The following UNC13C variants were observed in gnomAD, a reference collection of about 807,000 sequenced individuals.
The protein encoded by UNC13C is unc-13 homolog C.
UNC13C carries 174 observed loss-of-function variants against 245.4 expected under a neutral mutation model. The observed-to-expected ratio is 0.71, with a 90% CI of 0.63 to 0.80. The LOEUF (loss-of-function observed/expected upper bound fraction) is 0.80, where lower values mean the gene tolerates loss of function less well. Among genes scored for constraint, UNC13C ranks in the 30% least tolerant of loss-of-function variants. The pLI is 0.00. For missense variants in UNC13C, 2,829 were observed against 2,602.9 expected (o/e 1.09, Z -1.89); for synonymous variants, 992 against 895.1 (o/e 1.11, Z -1.93).
chr15:54,355,397 C>T (rs1189674645), intron 17 of UNC13C, among the ~76,000 whole-genome samples: 2 of 151,896 alleles, frequency 1.3e-5, no homozygotes, highest in African/African-American at 4.8e-5. Flanking sequence ...CACTTTATCA[C>T]CCAGGGTGGA....
chr15:53,946,170 C>T, the UNC13C span, among the ~76,000 whole-genome samples: 5 of 152,184 alleles, frequency 3.3e-5, no homozygotes, highest in South Asian at 2.1e-4. Flanking sequence ...TATAGAATCA[C>T]GTCTACAAAC....
intron 17 of UNC13C, among the ~76,000 whole-genome samples, chr15:54,359,723 C>T (rs73417711): frequency 2.0e-5 from 3 of 151,706 alleles, no homozygotes; most frequent in Non-Finnish European, 4.4e-5. Flanking sequence ...TCTAATTATG[C>T]TTATTTGAGT....
chr15:53,986,413 T>C lies in UNC13C; in HGVS notation c.-257+7486T>C, dbSNP rs148210625. ...GACACTATAAGCCTGGATGAATTTCTCTTATAGTTGATTCCACTTCTCTGT... is the reference window on the plus strand; with the variant it reads ...GACACTATAAGCCTGGATGAATTTCCCTTATAGTTGATTCCACTTCTCTGT... On this transcript the variant is annotated intron_variant, in intron 1 of 32. Coordinates refer to ENST00000260323, the MANE Select transcript of UNC13C (RefSeq NM_001080534.3). Among the ~76,000 whole-genome samples, 478 of 152,204 alleles carry C rather than the reference T, an allele frequency of 3.1e-3. 1 individual carries two copies. The highest frequency in any genetic ancestry group is 0.027 in the South Asian group (131 of 4,826).
chr15:54,204,427 A>G (rs1310041291), intron 4 of UNC13C, among the ~76,000 whole-genome samples: 1 of 151,888 alleles, frequency 6.6e-6, no homozygotes, highest in Non-Finnish European at 1.5e-5. Flanking sequence ...TGTAGGCATA[A>G]ACTAGATTGT....
At chr15:54,580,830 C>A (rs1416844460) in intron 30 of UNC13C, among the ~76,000 whole-genome samples, 1 of 152,194 alleles carries the variant, frequency 6.6e-6, no homozygotes, top group Non-Finnish European at 1.5e-5. Flanking sequence ...GTGAGCTGTA[C>A]CTCCACATTC....
intron 2 of UNC13C, among the ~76,000 whole-genome samples, chr15:54,057,066 A>G (rs1257114546): frequency 3.3e-5 from 5 of 152,144 alleles, no homozygotes; most frequent in African/African-American, 4.8e-5. Flanking sequence ...TGAGCAAAAT[A>G]ACCAGCTAAC....
At chr15:54,625,097 A>G (rs1466675947) in intron 32 of UNC13C, among the ~76,000 whole-genome samples, 1 of 152,140 alleles carries the variant, frequency 6.6e-6, no homozygotes, top group African/African-American at 2.4e-5. Flanking sequence ...TGAAATGTAT[A>G]CTTGAATGTA....
Position 54,253,595 on chromosome 15 carries a change from C to T in UNC13C, c.3448+3151C>T, listed in dbSNP as rs183267230. ...GTCGCCTAAAAAGACATTTAGAATT[C>T]TTTTTTGGAAAAAGCATTTGGTGGT... On this transcript the variant is annotated intron_variant, in intron 8 of 32. Transcript: ENST00000260323. 4.3e-3 allele frequency among the ~76,000 whole-genome samples: 647 copies of T among 152,206 alleles called. 16 individuals are homozygous for T. Among genetic ancestry groups the T allele is most frequent in the Admixed American group, 0.038 (585 of 15,292 alleles).
At chr15:54,390,500 A>G (rs1376062042) in intron 17 of UNC13C, among the ~76,000 whole-genome samples, 2 of 152,064 alleles carry the variant, frequency 1.3e-5, no homozygotes, top group Non-Finnish European at 2.9e-5. Flanking sequence ...TAATCTATTA[A>G]CAAAATAATT....
intron 12 of UNC13C, among the ~76,000 whole-genome samples, chr15:54,298,832 C>T (rs2037502289): frequency 6.6e-6 from 1 of 152,106 alleles, no homozygotes; most frequent in Non-Finnish European, 1.5e-5. Flanking sequence ...TTCAAAGTAA[C>T]AAAGTACCTT....
At chr15:54,474,217 G>C (rs1382451385) in intron 19 of UNC13C, among the ~76,000 whole-genome samples, 1 of 151,836 alleles carries the variant, frequency 6.6e-6, no homozygotes, top group Non-Finnish European at 1.5e-5. Context: ...AGAACATATG[G>C]TAGTCTTATT....
intron 1 of UNC13C, among the ~76,000 whole-genome samples, chr15:53,989,422 A>C (rs977540469): frequency 6.6e-6 from 1 of 151,960 alleles, no homozygotes; most frequent in Admixed American, 6.6e-5. Context: ...AAAAAGAAAA[A>C]ATATTAATCC....
At chr15:54,379,621 T>C (rs1347491266) in intron 17 of UNC13C, among the ~76,000 whole-genome samples, 1 of 152,158 alleles carries the variant, frequency 6.6e-6, no homozygotes. Context: ...TTTTCAGTTA[T>C]CCTGATTTAG....
chr15:54,322,185 T>G, intron 14 of UNC13C, 90 bp downstream of exon 14: 2 of 1,292,328 alleles, frequency 1.5e-6, no homozygotes, highest in Middle Eastern at 1.9e-4. Flanking sequence ...TCCTGGAATC[T>G]TATTGCAGAA....
chr15:54,187,323 C>T (rs1381263335), intron 4 of UNC13C, among the ~76,000 whole-genome samples: 2 of 152,076 alleles, frequency 1.3e-5, no homozygotes, highest in East Asian at 3.9e-4. Flanking sequence ...TTCTCCATAC[C>T]ATAGCCAGAG....
At chr15:54,154,788 A>C (rs1308855015) in intron 4 of UNC13C, among the ~76,000 whole-genome samples, 2 of 152,326 alleles carry the variant, frequency 1.3e-5, no homozygotes, top group African/African-American at 4.8e-5. Context: ...TCAAGTATTC[A>C]AAAGATTAGG....
intron 11 of UNC13C, among the ~76,000 whole-genome samples, chr15:54,296,445 C>T (rs1463784407): frequency 2.0e-5 from 3 of 149,272 alleles, no homozygotes; most frequent in African/African-American, 5.0e-5. Flanking sequence ...GTCTCGATCT[C>T]CTGACCTCGT....
chr15:54,060,976 G>T (rs1897799962), intron 2 of UNC13C, among the ~76,000 whole-genome samples: 1 of 152,156 alleles, frequency 6.6e-6, no homozygotes, highest in Non-Finnish European at 1.5e-5. Context: ...GTGGGGTAGG[G>T]GGAGAGGGGA....
intron 2 of UNC13C, among the ~76,000 whole-genome samples, chr15:54,108,122 C>G (rs866070905): frequency 6.6e-6 from 1 of 152,112 alleles, no homozygotes; most frequent in Admixed American, 6.5e-5. Flanking sequence ...GATCTGTAGA[C>G]AGCATTTAGA....
Sources: gnomAD v4.1 joint callset for allele counts (sites outside exome capture counted in the v4.1 genomes callset) on GRCh38, gnomAD v4.1.1 for gene constraint, MANE v1.5 for transcripts, NCBI Gene and HGNC (gene_info 2026-07-23, HGNC 2026-07-21) for gene names.